The following CEP85L variants were observed in gnomAD, a reference collection of about 807,000 sequenced individuals.
CEP85L encodes centrosomal protein of 85 kDa-like.
A neutral mutation model predicts 100.3 loss-of-function variants in CEP85L; 60 were observed. The ratio of observed to expected loss-of-function variants is 0.60; its 90% CI spans 0.49 to 0.74. The LOEUF is 0.74. CEP85L is among the 30% of genes least tolerant of loss of function. The pLI is 0.00. For missense variants in CEP85L, 973 were observed against 936.2 expected, an observed-to-expected ratio of 1.04 and a Z score of -0.51; for synonymous variants, 319 against 322.7, an observed-to-expected ratio of 0.99 and a Z score of 0.12.
rs367872301 is a variant in CEP85L, at chr6:118,489,748, A to C, written c.1437+1938T>G. On this transcript the variant is annotated intron_variant, in intron 6 of 12. Transcript: ENST00000368491. Reference sequence around the variant, plus strand: ...AATCTGTATGGAGGTTCCTCAAATAACTAAAAATAAAACATGATCAAGCAA... The same window carrying C: ...AATCTGTATGGAGGTTCCTCAAATACCTAAAAATAAAACATGATCAAGCAA... Among the ~76,000 whole-genome samples, 84 of 152,276 alleles carry C rather than the reference A, an allele frequency of 5.5e-4. 1 individual carries two copies. In the Middle Eastern group the frequency reaches 0.017, roughly 31 times the overall value.
In CEP85L at chr6:118,563,795, A is replaced by G. The variant is rs943107736; in HGVS notation, c.1020+1734T>C. On this transcript the variant is annotated intron_variant, in intron 3 of 12. Transcript: ENST00000368491. Reference sequence around the variant, plus strand: ...AGGCTTTTAAGAAACAACTATGATGAAAGCTTTTAAAATAAAGATAATACT... The same window carrying G: ...AGGCTTTTAAGAAACAACTATGATGGAAGCTTTTAAAATAAAGATAATACT... Among the ~76,000 whole-genome samples the G allele has an allele frequency of 2.0e-5, 3 of 152,280 alleles. No homozygotes were observed. The East Asian group carries it at 5.8e-4, about 29-fold the overall frequency.
At chr6:118,500,878 G>A (rs1035954737) in intron 5 of CEP85L, among the ~76,000 whole-genome samples, 1 of 152,200 alleles carries the variant, frequency 6.6e-6, no homozygotes, top group South Asian at 2.1e-4. Flanking sequence ...TAAACAGCTT[G>A]TGAGAGGCTT....
At chr6:118,605,489 T>C (rs1048189363) in intron 2 of CEP85L, among the ~76,000 whole-genome samples, 1 of 152,200 alleles carries the variant, frequency 6.6e-6, no homozygotes, top group Non-Finnish European at 1.5e-5. Context: ...AGCTCTCTCA[T>C]AATGCAAAGT....
At chr6:118,641,205 A>T (rs1774847699) in intron 1 of CEP85L, among the ~76,000 whole-genome samples, 1 of 152,156 alleles carries the variant, frequency 6.6e-6, no homozygotes. Context: ...CTCTCTTAAT[A>T]TCTTACTAGC....
rs532378916 is a variant in CEP85L, at chr6:118,565,443, A to G, written c.1020+86T>C. 3.2e-6 allele frequency: 4 copies of G among 1,263,680 alleles called. No individual in the cohort carries two copies. In the African/African-American group the frequency reaches 6.0e-5, roughly 19 times the overall value. 78.3% of individuals were successfully genotyped at this position (1,263,680 alleles called of 1,614,324 possible). On this transcript the variant is annotated intron_variant, in intron 3 of 12. Coordinates refer to ENST00000368491, the MANE Select transcript of CEP85L (RefSeq NM_001042475.3). ...AAAAGGAAATGCAAAACAATCTGTG[A>G]ACACTTGTTATATGCTTACTGTAAG...
intron 5 of CEP85L, among the ~76,000 whole-genome samples, chr6:118,493,705 C>T (rs957112329): frequency 5.3e-5 from 8 of 151,910 alleles, no homozygotes; most frequent in Admixed American, 2.6e-4. Flanking sequence ...CTAACTAATA[C>T]GGAAGATTAT....
At chr6:118,482,856 C>T (rs886771521) in intron 7 of CEP85L, among the ~76,000 whole-genome samples, 2 of 152,068 alleles carry the variant, frequency 1.3e-5, no homozygotes, top group Admixed American at 1.3e-4. Flanking sequence ...ACAGAGAATG[C>T]AACATAGGTC....
intron 2 of CEP85L, among the ~76,000 whole-genome samples, chr6:118,590,278 G>A (rs537655603): frequency 1.5e-4 from 23 of 152,070 alleles, no homozygotes; most frequent in Non-Finnish European, 3.1e-4. Flanking sequence ...CCTTGGCAAG[G>A]TTTTTTTCTT....
At chr6:118,473,476 A>G (rs1773118853) in intron 10 of CEP85L, among the ~76,000 whole-genome samples, 1 of 152,136 alleles carries the variant, frequency 6.6e-6, no homozygotes, top group East Asian at 1.9e-4. Context: ...TGAGAATAGT[A>G]GGAGAAAGAG....
At chr6:118,543,416 G>A (rs1312397051) in intron 3 of CEP85L, among the ~76,000 whole-genome samples, 3 of 151,670 alleles carry the variant, frequency 2.0e-5, no homozygotes, top group East Asian at 3.9e-4. Flanking sequence ...GCCTTCTAAG[G>A]GATAAACAGT....
Position 118,523,808 on chromosome 6 carries a change from AT to A in CEP85L, c.1132del (p.Ile378SerfsTer15). 1 of 1,475,826 alleles carries A rather than the reference AT, an allele frequency of 6.8e-7. No individual in the cohort carries two copies. Among genetic ancestry groups the A allele is most frequent in the Non-Finnish European group, 9.5e-7 (1 of 1,058,072 alleles). The allele number at this position is 1,475,826 out of a possible 1,614,324, so 91.4% of individuals were successfully genotyped here. On this transcript the variant is annotated frameshift_variant, in exon 4 of 13. Coordinates refer to ENST00000368491, the MANE Select transcript of CEP85L (RefSeq NM_001042475.3). LOFTEE classifies it high-confidence loss of function. ...TAATTTAAAATAGACTCACCGATCG[AT>A]TACAATTTCTTTCTGCCTTAGAAGT... Reference protein sequence around the residue: ...EGLLRQKEIVIDRQKQQITHL... With the variant: ...EGLLRQKEIVXDRQKQQITHL...
intron 5 of CEP85L, among the ~76,000 whole-genome samples, chr6:118,497,012 T>A (rs1378135092): frequency 6.6e-6 from 1 of 152,180 alleles, no homozygotes. Flanking sequence ...AGCTGGTACA[T>A]GGATCACCTA....
intron 2 of CEP85L, among the ~76,000 whole-genome samples, chr6:118,622,454 C>T (rs528685783): frequency 6.6e-6 from 1 of 152,128 alleles, no homozygotes; most frequent in African/African-American, 2.4e-5. Flanking sequence ...TTTAACTAAC[C>T]CTGACCTTAA....
At chr6:118,577,815 G>A (rs1359888938) in intron 2 of CEP85L, among the ~76,000 whole-genome samples, 1 of 152,090 alleles carries the variant, frequency 6.6e-6, no homozygotes, top group Non-Finnish European at 1.5e-5. Context: ...ACGGAAAAAT[G>A]GTTTAGAAAA....
At chr6:118,634,486 C>A (rs1352804022) in intron 1 of CEP85L, among the ~76,000 whole-genome samples, 1 of 151,934 alleles carries the variant, frequency 6.6e-6, no homozygotes, top group African/African-American at 2.4e-5. Context: ...ATATAAGCAG[C>A]CTTAAAAGCC....
chr6:118,539,377 G>A (rs114161791), intron 3 of CEP85L, among the ~76,000 whole-genome samples: 1 of 152,214 alleles, frequency 6.6e-6, no homozygotes, highest in African/African-American at 2.4e-5. Context: ...ATACCATATA[G>A]CCTAGGCGTG....
intron 1 of CEP85L, among the ~76,000 whole-genome samples, chr6:118,666,447 T>C (rs62422248): frequency 0.15 from 22,933 of 152,278 alleles, 1,933 homozygotes; most frequent in Non-Finnish European, 0.19. Context: ...ACTTATGCTC[T>C]TTCCACTATA....
chr6:118,504,129 T>G (rs2114680636), intron 5 of CEP85L, among the ~76,000 whole-genome samples: 1 of 152,248 alleles, frequency 6.6e-6, no homozygotes, highest in East Asian at 1.9e-4. Flanking sequence ...ATCACAGCAC[T>G]TTGGGTGGCC....
At chr6:118,546,900 G>A (rs1341178583) in intron 3 of CEP85L, among the ~76,000 whole-genome samples, 3 of 152,062 alleles carry the variant, frequency 2.0e-5, no homozygotes, top group Non-Finnish European at 2.9e-5. Flanking sequence ...CCTTGGCAAT[G>A]TTCACAGGAT....
Sources: gnomAD v4.1 joint callset for allele counts (sites outside exome capture counted in the v4.1 genomes callset) on GRCh38, gnomAD v4.1.1 for gene constraint, MANE v1.5 for transcripts, NCBI Gene and HGNC (gene_info 2026-07-23, HGNC 2026-07-21) for gene names.